Variants in PARD3B observed in about 807,000 individuals in gnomAD.
PARD3B encodes par-3 family cell polarity regulator beta, also known as partitioning defective 3 homolog B.
PARD3B carries 103 observed loss-of-function variants against 130.2 expected under a neutral mutation model. The observed-to-expected ratio is 0.79, with a 90% confidence interval of 0.67 to 0.93. The LOEUF (loss-of-function observed/expected upper bound fraction) is 0.93, where lower values mean the gene tolerates loss of function less well. Ranked by LOEUF, PARD3B falls within the 40% of genes least tolerant of loss-of-function variation. PARD3B has a pLI of 0.00. For synonymous variants in PARD3B, 583 were observed against 553.2 expected, an observed-to-expected ratio of 1.05 and a Z score of -0.76; for missense variants, 1,609 against 1,499.2, an observed-to-expected ratio of 1.07 and a Z score of -1.21.
chr2:205,206,612 A>C (rs986696709), intron 15 of PARD3B, among the ~76,000 whole-genome samples: 1 of 151,112 alleles, frequency 6.6e-6, no homozygotes, highest in Non-Finnish European at 1.5e-5. Flanking sequence ...AATCCAGTCT[A>C]TCATTATTGG....
intron 2 of PARD3B, among the ~76,000 whole-genome samples, chr2:204,739,844 AG>A (rs1217236188): frequency 6.6e-6 from 1 of 152,084 alleles, no homozygotes; most frequent in African/African-American, 2.4e-5. Context: ...ATTATTTAAG[AG>A]GGCAGGCATT....
At chr2:204,735,512 T>C (rs1340538657) in intron 2 of PARD3B, among the ~76,000 whole-genome samples, 1 of 152,124 alleles carries the variant, frequency 6.6e-6, no homozygotes, top group Non-Finnish European at 1.5e-5. Flanking sequence ...TTGACTGGAC[T>C]CTTCAAAAAG....
chr2:205,238,880 A>AGG (rs2039208397), intron 15 of PARD3B, among the ~76,000 whole-genome samples: 1 of 58,700 alleles, frequency 1.7e-5, no homozygotes, highest in Non-Finnish European at 3.0e-5. Flanking sequence ...ATATATATGT[A>AGG]TGTGTGTATA....
At chr2:204,752,538 A>G (rs888884413) in intron 2 of PARD3B, among the ~76,000 whole-genome samples, 1 of 152,156 alleles carries the variant, frequency 6.6e-6, no homozygotes, top group South Asian at 2.1e-4. Flanking sequence ...GTGAAACCCA[A>G]CTTATTTTCA....
chr2:205,096,697 T>C (rs1359720656), intron 4 of PARD3B, among the ~76,000 whole-genome samples: 1 of 152,224 alleles, frequency 6.6e-6, no homozygotes, highest in African/African-American at 2.4e-5. Flanking sequence ...CCTGTGTGCA[T>C]GCTCTCCATA....
chr2:204,660,858 TTTAAAGTA>T (rs1416546868), intron 1 of PARD3B, among the ~76,000 whole-genome samples: 3 of 152,222 alleles, frequency 2.0e-5, no homozygotes, highest in Non-Finnish European at 4.4e-5. Flanking sequence ...TGAGTTTAAT[TTTAAAGTA>T]TTAATGTATA....
chr2:205,427,495 GTTC>G (rs1212155603), intron 19 of PARD3B, among the ~76,000 whole-genome samples: 3 of 152,144 alleles, frequency 2.0e-5, no homozygotes, highest in Non-Finnish European at 4.4e-5. Context: ...AATATGGAAT[GTTC>G]TTCTGTCTAT....
chr2:205,423,587 A>G (rs2047045934), intron 19 of PARD3B, among the ~76,000 whole-genome samples: 1 of 152,220 alleles, frequency 6.6e-6, no homozygotes, highest in African/African-American at 2.4e-5. Flanking sequence ...GGCAAGCCTA[A>G]TAAGCACCAT....
intron 19 of PARD3B, among the ~76,000 whole-genome samples, chr2:205,434,067 A>G (rs2047429126): frequency 6.6e-6 from 1 of 152,228 alleles, no homozygotes. Context: ...TAGTTTTGAA[A>G]GAACTCCTAG....
chr2:204,570,946 T>C (rs2031967243), intron 1 of PARD3B, among the ~76,000 whole-genome samples: 1 of 151,120 alleles, frequency 6.6e-6, no homozygotes, highest in South Asian at 2.1e-4. Context: ...CTGAGGTGTA[T>C]AAGCTGTTGT....
At chr2:204,982,738 A>G (rs1018052980) in intron 3 of PARD3B, among the ~76,000 whole-genome samples, 11 of 152,344 alleles carry the variant, frequency 7.2e-5, no homozygotes, top group African/African-American at 2.4e-4. Flanking sequence ...TTGCCCCTAG[A>G]TAATGGATAA....
intron 6 of PARD3B, 56 bp downstream of exon 6, chr2:205,113,633 T>C: frequency 3.0e-6 from 4 of 1,333,304 alleles, no homozygotes; most frequent in Non-Finnish European, 3.2e-6. Context: ...TGATTTGAGC[T>C]CCTTTTCCCA....
intron 1 of PARD3B, among the ~76,000 whole-genome samples, chr2:204,572,033 G>T (rs1481185885): frequency 1.3e-5 from 2 of 152,092 alleles, no homozygotes; most frequent in Non-Finnish European, 2.9e-5. Flanking sequence ...TTCTCCCCAA[G>T]ATCAGTCTTT....
intron 5 of PARD3B, among the ~76,000 whole-genome samples, chr2:205,107,961 T>C (rs1054005198): frequency 6.6e-6 from 1 of 152,208 alleles, no homozygotes; most frequent in Non-Finnish European, 1.5e-5. Context: ...CTCTGCCTTA[T>C]CTCTCCACTC....
At chr2:205,014,994 G>A (rs987796380) in intron 3 of PARD3B, among the ~76,000 whole-genome samples, 2 of 151,990 alleles carry the variant, frequency 1.3e-5, no homozygotes, top group African/African-American at 2.4e-5. Context: ...GTTGACTGTC[G>A]AACAATGTGA....
intron 2 of PARD3B, among the ~76,000 whole-genome samples, chr2:204,950,651 G>C (rs572694834): frequency 1.3e-5 from 2 of 152,244 alleles, no homozygotes; most frequent in South Asian, 4.1e-4. Context: ...TTGTTTTTCA[G>C]TTCTTTCGTA....
chr2:204,884,436 A>G (rs935991718), intron 2 of PARD3B, among the ~76,000 whole-genome samples: 4 of 152,206 alleles, frequency 2.6e-5, no homozygotes, highest in Non-Finnish European at 4.4e-5. Context: ...TTCCTTTTGG[A>G]AATAGCAGAA....
chr2:204,700,542 T>G (rs2037841509), intron 2 of PARD3B, among the ~76,000 whole-genome samples: 1 of 152,154 alleles, frequency 6.6e-6, no homozygotes, highest in Admixed American at 6.5e-5. Context: ...GACATCTAGT[T>G]GATTAATACT....
chr2:205,417,203 G>A (rs1295034480), intron 19 of PARD3B, among the ~76,000 whole-genome samples: 1 of 151,532 alleles, frequency 6.6e-6, no homozygotes, highest in Non-Finnish European at 1.5e-5. Flanking sequence ...CCTTGTGATA[G>A]TTTGCTCAGA....
Sources: allele counts gnomAD v4.1 joint callset (sites outside exome capture counted in the v4.1 genomes callset), GRCh38; gene constraint gnomAD v4.1.1; transcripts MANE v1.5; gene names NCBI Gene and HGNC (gene_info 2026-07-23, HGNC 2026-07-21).